The following B3GALT1 variants were observed in gnomAD, a reference collection of about 807,000 sequenced individuals.
B3GALT1 encodes beta-1,3-galactosyltransferase 1.
In B3GALT1, 10 loss-of-function variants were observed where a neutral mutation model predicts 23.2. The ratio of observed to expected loss-of-function variants is 0.43; its 90% CI spans 0.27 to 0.73. The LOEUF (loss-of-function observed/expected upper bound fraction) is 0.73, where lower values mean the gene tolerates loss of function less well. B3GALT1 is among the 30% of genes least tolerant of loss of function. The pLI, the probability that B3GALT1 is intolerant of heterozygous loss-of-function variation, is 0.21. For synonymous variants in B3GALT1, 156 were observed against 141.5 expected, an observed-to-expected ratio of 1.10 and a Z score of -0.73; for missense variants, 299 against 405.4, an observed-to-expected ratio of 0.74 and a Z score of 2.25.
chr2:167,749,623 G>A (rs1369443108), intron 3 of B3GALT1, among the ~76,000 whole-genome samples: 1 of 152,170 alleles, frequency 6.6e-6, no homozygotes, highest in African/African-American at 2.4e-5. Context: ...AGTTTGAGGG[G>A]TGCCATGTCC....
At chr2:167,413,309 T>C (rs1176308548) in intron 1 of B3GALT1, among the ~76,000 whole-genome samples, 6 of 152,118 alleles carry the variant, frequency 3.9e-5, no homozygotes, top group African/African-American at 1.4e-4. Context: ...TTATGTGTAC[T>C]TAAACAGATT....
chr2:167,339,135 T>G (rs898098263), intron 1 of B3GALT1, among the ~76,000 whole-genome samples: 1 of 152,114 alleles, frequency 6.6e-6, no homozygotes, highest in Non-Finnish European at 1.5e-5. Flanking sequence ...CTTAGACATG[T>G]GGAAGAAGAA....
chr2:167,799,129 T>C (rs1229396815), intron 3 of B3GALT1, among the ~76,000 whole-genome samples: 1 of 152,182 alleles, frequency 6.6e-6, no homozygotes, highest in Non-Finnish European at 1.5e-5. Context: ...TTCCTTAATA[T>C]AGTACTTGAT....
intron 2 of B3GALT1, among the ~76,000 whole-genome samples, chr2:167,588,778 G>A (rs895821723): frequency 1.3e-5 from 2 of 151,398 alleles, no homozygotes; most frequent in African/African-American, 4.9e-5. Context: ...AAAGAAAATG[G>A]TTATATATAT....
chr2:167,539,026 A>C (rs1398470267), intron 2 of B3GALT1, among the ~76,000 whole-genome samples: 6 of 152,220 alleles, frequency 3.9e-5, no homozygotes, highest in African/African-American at 1.4e-4. Flanking sequence ...GATTATACTT[A>C]GTTTATAATA....
At chr2:167,539,457 A>G (rs865781869) in intron 2 of B3GALT1, among the ~76,000 whole-genome samples, 1 of 152,192 alleles carries the variant, frequency 6.6e-6, no homozygotes. Flanking sequence ...ACCCTGAATA[A>G]TGCATTACTT....
chr2:167,342,603 GA>G (rs528340680), intron 1 of B3GALT1, among the ~76,000 whole-genome samples: 17 of 144,512 alleles, frequency 1.2e-4, no homozygotes, highest in South Asian at 6.7e-4. Flanking sequence ...AAAAAAAAAA[GA>G]AAAAAAAACA....
chr2:167,847,445 T>C lies in B3GALT1; in HGVS notation c.-229-21366T>C, dbSNP rs115132560. On this transcript the variant is annotated intron_variant, in intron 4 of 4. Coordinates refer to ENST00000392690, the MANE Select transcript of B3GALT1 (RefSeq NM_020981.4). The stretch of plus-strand genomic sequence containing the variant: ...CAACTCCAAAAGGAACCTTCAAAAC[T>C]GTGCAAATACATGGAAATTAAATAA... Among the ~76,000 whole-genome samples, 792 of 152,232 alleles carry C rather than the reference T, an allele frequency of 5.2e-3. 5 individuals are homozygous for C. The highest frequency in any genetic ancestry group is 7.7e-3 in the Non-Finnish European group (521 of 67,994).
chr2:167,763,255 A>G (rs1292669579), intron 3 of B3GALT1, among the ~76,000 whole-genome samples: 1 of 152,212 alleles, frequency 6.6e-6, no homozygotes, highest in African/African-American at 2.4e-5. Flanking sequence ...ATAAATGCTA[A>G]AAGTATTCAT....
intron 2 of B3GALT1, among the ~76,000 whole-genome samples, chr2:167,526,626 A>G (rs1683224397): frequency 6.6e-6 from 1 of 152,222 alleles, no homozygotes; most frequent in African/African-American, 2.4e-5. Flanking sequence ...GTATATGCAC[A>G]CCTGTCTCAT....
chr2:167,349,540 A>G lies in B3GALT1; in HGVS notation c.-511+56206A>G, dbSNP rs569130714. Among the ~76,000 whole-genome samples the G allele has an allele frequency of 7.4e-4, 112 of 152,326 alleles. 1 individual carries two copies. Among genetic ancestry groups the G allele is most frequent in the South Asian group, 7.0e-3 (34 of 4,828 alleles). On this transcript the variant is annotated intron_variant, in intron 1 of 4. Coordinates refer to ENST00000392690, the MANE Select transcript of B3GALT1 (RefSeq NM_020981.4). ...TTGTATGCCGAGGTTGTTGAGGTCT[A>G]TGGTAAGAATAAGTTTTCCATCCAT...
At chr2:167,364,193 A>G (rs1697548386) in intron 1 of B3GALT1, among the ~76,000 whole-genome samples, 1 of 150,592 alleles carries the variant, frequency 6.6e-6, no homozygotes, top group Non-Finnish European at 1.5e-5. Context: ...AAAAGGAAGA[A>G]AAGAAAACTC....
intron 1 of B3GALT1, among the ~76,000 whole-genome samples, chr2:167,414,194 C>T (rs897889101): frequency 6.6e-6 from 1 of 152,084 alleles, no homozygotes; most frequent in Admixed American, 6.6e-5. Flanking sequence ...GACTAGACAG[C>T]TGTGCAGAAG....
intron 4 of B3GALT1, among the ~76,000 whole-genome samples, chr2:167,830,249 G>T (rs1689318791): frequency 6.6e-6 from 1 of 152,072 alleles, no homozygotes; most frequent in African/African-American, 2.4e-5. Context: ...ACTAAGGCCG[G>T]GTCTTTTTCA....
intron 1 of B3GALT1, among the ~76,000 whole-genome samples, chr2:167,486,357 CAAAAA>C (rs56092916): frequency 1.8e-5 from 2 of 113,424 alleles, no homozygotes; most frequent in African/African-American, 3.2e-5. Context: ...GACTCTGTCT[CAAAAA>C]AAAAAAAAAG....
At chr2:167,758,351 C>G (rs560055412) in intron 3 of B3GALT1, among the ~76,000 whole-genome samples, 26 of 152,206 alleles carry the variant, frequency 1.7e-4, no homozygotes, top group Non-Finnish European at 3.7e-4. Context: ...TTTTTTACTC[C>G]CAGCCCCGAA....
At chr2:167,532,838 G>C (rs1260519155) in intron 2 of B3GALT1, among the ~76,000 whole-genome samples, 2 of 144,610 alleles carry the variant, frequency 1.4e-5, no homozygotes, top group Non-Finnish European at 3.0e-5. Flanking sequence ...GATAGAGAAA[G>C]ACAGTTTTAC....
intron 4 of B3GALT1, among the ~76,000 whole-genome samples, chr2:167,819,500 C>G (rs1162266453): frequency 6.6e-6 from 1 of 152,150 alleles, no homozygotes; most frequent in Admixed American, 6.5e-5. Flanking sequence ...ATGATTGCAG[C>G]CTATCCGGAC....
chr2:167,596,369 G>T (rs906831787), intron 2 of B3GALT1, among the ~76,000 whole-genome samples: 2 of 152,266 alleles, frequency 1.3e-5, no homozygotes, highest in South Asian at 4.1e-4. Context: ...AAAAAGAGAG[G>T]CAGTGTGCTG....
Sources: allele counts gnomAD v4.1 joint callset (sites outside exome capture counted in the v4.1 genomes callset), GRCh38; gene constraint gnomAD v4.1.1; transcripts MANE v1.5; gene names NCBI Gene and HGNC (gene_info 2026-07-23, HGNC 2026-07-21).